TEAD1: variants seen among roughly 807,000 people sequenced by gnomAD.
TEAD1 encodes transcriptional enhancer factor TEF-1.
In TEAD1, 9 loss-of-function variants were observed where a neutral mutation model predicts 54.9. That is an observed-to-expected ratio of 0.16 (90% CI 0.10 to 0.29). The LOEUF (loss-of-function observed/expected upper bound fraction) is 0.29, where lower values mean the gene tolerates loss of function less well. TEAD1 is among the 10% of genes least tolerant of loss of function. The pLI, the probability that TEAD1 is intolerant of heterozygous loss-of-function variation, is 1.00. For missense variants in TEAD1, 387 were observed against 535.9 expected (o/e 0.72, Z 2.74); for synonymous variants, 200 against 187.8 (o/e 1.07, Z -0.53).
chr11:12,753,377 C>T (rs1223637358), intron 2 of TEAD1, among the ~76,000 whole-genome samples: 3 of 152,128 alleles, frequency 2.0e-5, no homozygotes, highest in South Asian at 2.1e-4. Flanking sequence ...TACCAATTTG[C>T]GCTCTCATCA....
chr11:12,783,373 G>A (rs954460239), intron 3 of TEAD1, among the ~76,000 whole-genome samples: 85 of 152,020 alleles, frequency 5.6e-4, no homozygotes, highest in African/African-American at 2.0e-3. Context: ...TAAAAGCTTT[G>A]CAGTTGGCGC....
chr11:12,763,715 T>A (rs190526643), intron 2 of TEAD1, among the ~76,000 whole-genome samples: 2 of 152,336 alleles, frequency 1.3e-5, no homozygotes, highest in Non-Finnish European at 2.9e-5. Flanking sequence ...TTCTTATAAA[T>A]TACTTGTTCT....
chr11:12,738,531 C>T (rs1446679949), intron 2 of TEAD1, among the ~76,000 whole-genome samples: 1 of 152,178 alleles, frequency 6.6e-6, no homozygotes, highest in African/African-American at 2.4e-5. Context: ...CCCCGGGATA[C>T]CAGAAGGCAG....
chr11:12,776,120 C>T (rs1368885732), intron 3 of TEAD1, among the ~76,000 whole-genome samples: 2 of 151,836 alleles, frequency 1.3e-5, no homozygotes, highest in Non-Finnish European at 2.9e-5. Flanking sequence ...AGTGCTAGGG[C>T]GGGGGAGGAG....
intron 3 of TEAD1, among the ~76,000 whole-genome samples, chr11:12,789,679 G>GA (rs1391908270): frequency 6.6e-6 from 1 of 152,228 alleles, no homozygotes; most frequent in Non-Finnish European, 1.5e-5. Context: ...GATGCAAGCC[G>GA]AGAGTCTCCT....
At position 12,864,566 on chromosome 11, in the gene TEAD1, A is replaced by G. The variant is rs1404300853; in HGVS notation, c.268-272A>G. 4 of 791,738 alleles carry G rather than the reference A, an allele frequency of 5.1e-6. No individual in the cohort carries two copies. In the Admixed American group the frequency reaches 1.0e-4, roughly 20 times the overall value. 49.0% of individuals were successfully genotyped at this position (791,738 alleles called of 1,614,324 possible). On this transcript the variant is annotated intron_variant, in intron 4 of 12. Transcript: ENST00000527636. ...TTGAGATGCAAATAACCACCCCCCA[A>G]CCCCACCCCAAAACCCTCCCAAAGA...
chr11:12,887,293 C>T (rs1948111645), intron 9 of TEAD1, among the ~76,000 whole-genome samples: 1 of 152,036 alleles, frequency 6.6e-6, no homozygotes, highest in South Asian at 2.1e-4. Flanking sequence ...GACAGGGTTT[C>T]ACCGTGTTAG....
chr11:12,815,864 C>G (rs773940764), intron 3 of TEAD1, among the ~76,000 whole-genome samples: 1 of 152,196 alleles, frequency 6.6e-6, no homozygotes, highest in Non-Finnish European at 1.5e-5. Flanking sequence ...TCAATGAATT[C>G]TTTCCTGTTA....
chr11:12,713,823 C>G (rs1010529894), intron 2 of TEAD1, among the ~76,000 whole-genome samples: 1 of 152,212 alleles, frequency 6.6e-6, no homozygotes, highest in Admixed American at 6.5e-5. Context: ...CTCTCATGTT[C>G]AGCAAATGGC....
At chr11:12,798,932 A>G (rs1174913005) in intron 3 of TEAD1, among the ~76,000 whole-genome samples, 1 of 152,162 alleles carries the variant, frequency 6.6e-6, no homozygotes, top group Non-Finnish European at 1.5e-5. Flanking sequence ...CCACCTGGAA[A>G]ACAAAACAAA....
chr11:12,873,213 T>G lies in TEAD1; in HGVS notation c.331-6495T>G, dbSNP rs1313739292. On this transcript the variant is annotated intron_variant, in intron 5 of 12. Transcript: ENST00000527636. ...CTCACTCTGGAGCTTAACTTGAGCC[T>G]GGAGCCAGTTTAGGTTCCTCTGGCC... Among the ~76,000 whole-genome samples, 3 of 152,224 alleles carry G rather than the reference T, an allele frequency of 2.0e-5. No individual in the cohort carries two copies. The East Asian group carries it at 5.8e-4, about 29-fold the overall frequency.
At position 12,937,897 on chromosome 11, in the gene TEAD1, A is replaced by T. The variant is rs1949124747; in HGVS notation, c.*675A>T. 1 of 152,580 alleles carries T rather than the reference A, an allele frequency of 6.6e-6. No homozygotes were observed. Among genetic ancestry groups the T allele is most frequent in the Non-Finnish European group, 1.5e-5 (1 of 68,040 alleles). 9.5% of individuals were successfully genotyped at this position (152,580 alleles called of 1,614,324 possible). A position where few individuals can be genotyped will look rare whatever the true frequency, so the allele number is the denominator to read the frequency against. ...ATTTGTACTTTTATCCTCAAGGTTA[A>T]CACTAATCTCCTAATCCATTAAACT... is the stretch of plus-strand genomic sequence containing the variant. On this transcript the variant is annotated 3_prime_UTR_variant, in exon 13 of 13. Coordinates refer to ENST00000527636, the MANE Select transcript of TEAD1 (RefSeq NM_021961.6).
chr11:12,806,762 G>A (rs142951476), intron 3 of TEAD1, among the ~76,000 whole-genome samples: 2 of 152,310 alleles, frequency 1.3e-5, no homozygotes, highest in East Asian at 3.9e-4. Context: ...CATCAACATA[G>A]TCTGAGAGTT....
At chr11:12,765,878 A>C (rs534635070) in intron 3 of TEAD1, among the ~76,000 whole-genome samples, 5 of 152,100 alleles carry the variant, frequency 3.3e-5, no homozygotes, top group Non-Finnish European at 5.9e-5. Flanking sequence ...GATTTTCTCT[A>C]TGTCTGGATC....
intron 2 of TEAD1, among the ~76,000 whole-genome samples, chr11:12,718,956 ATTCT>A (rs1944121525): frequency 6.6e-6 from 1 of 151,646 alleles, no homozygotes; most frequent in Non-Finnish European, 1.5e-5. Flanking sequence ...TAAGGACATA[ATTCT>A]TAATTAAATC....
intron 3 of TEAD1, among the ~76,000 whole-genome samples, chr11:12,833,125 G>A (rs938458621): frequency 6.6e-6 from 1 of 152,214 alleles, no homozygotes. Flanking sequence ...TTTATGGATG[G>A]CATTAATTGG....
At position 12,930,167 on chromosome 11, in the gene TEAD1, C is replaced by T. The variant is rs758443583; in HGVS notation, c.1015-7C>T. ...GTAAAAATACTGAAATCCTTTTTTC[C>T]TCACAGACGGAGTATGCAAGGTTTG... On this transcript the variant is annotated splice_region_variant and splice_polypyrimidine_tract_variant and intron_variant, in intron 11 of 12. Transcript: ENST00000527636. 2 of 1,613,574 alleles carry T rather than the reference C, an allele frequency of 1.2e-6. No individual in the cohort carries two copies. The highest frequency in any genetic ancestry group is 1.7e-6 in the Non-Finnish European group (2 of 1,179,824).
At position 12,814,775 on chromosome 11, in the gene TEAD1, CTCTGTGTGTGTGTG is replaced by C. The variant is rs1352272135; in HGVS notation, c.203-47473_203-47460del. Among the ~76,000 whole-genome samples, 902 of 142,226 alleles carry C rather than the reference CTCTGTGTGTGTGTG, an allele frequency of 6.3e-3. 14 individuals carry two copies. The highest frequency in any genetic ancestry group is 0.021 in the Middle Eastern group (6 of 286). The allele number at this position is 142,226 out of a possible 152,430, so 93.3% of individuals were successfully genotyped here. Reference sequence around the variant, plus strand: ...CCAGCCACCCCTGACCATCGCAGAGCTCTGTGTGTGTGTGTGTGTGTGTGTGTGTGTGTGTGTGT... The same window carrying C: ...CCAGCCACCCCTGACCATCGCAGAGCTGTGTGTGTGTGTGTGTGTGTGTGT... On this transcript the variant is annotated intron_variant, in intron 3 of 12. Transcript: ENST00000527636.
chr11:12,722,020 G>T (rs1944212641), intron 2 of TEAD1, among the ~76,000 whole-genome samples: 3 of 152,234 alleles, frequency 2.0e-5, no homozygotes, highest in Non-Finnish European at 4.4e-5. Context: ...GTCTGGGTTG[G>T]TGCCAGTTGT....
Sources: gnomAD v4.1 joint callset for allele counts (sites outside exome capture counted in the v4.1 genomes callset) on GRCh38, gnomAD v4.1.1 for gene constraint, MANE v1.5 for transcripts, NCBI Gene and HGNC (gene_info 2026-07-23, HGNC 2026-07-21) for gene names.